Variants in OGFOD3 observed in about 807,000 individuals in gnomAD.
OGFOD3 encodes 2-oxoglutarate and iron dependent oxygenase domain containing 3.
In OGFOD3, 35 loss-of-function variants were observed where a neutral mutation model predicts 39.8. The ratio of observed to expected loss-of-function variants is 0.88; its 90% confidence interval spans 0.67 to 1.17. The LOEUF (loss-of-function observed/expected upper bound fraction) is 1.17, where lower values mean the gene tolerates loss of function less well. Among genes scored for constraint, OGFOD3 ranks in the 50% most tolerant of loss-of-function variants. OGFOD3 has a pLI of 0.00. For synonymous variants in OGFOD3, 200 were observed against 192.0 expected (o/e 1.04, Z -0.34); for missense variants, 438 against 454.5 (o/e 0.96, Z 0.33).
chr17:82,397,339 T>C (rs1218715332), intron 8 of OGFOD3, among the ~76,000 whole-genome samples: 1 of 133,118 alleles, frequency 7.5e-6, no homozygotes, highest in Admixed American at 7.6e-5. Flanking sequence ...GTGAGGGCAG[T>C]GTCCTGGGGA....
Position 82,415,478 on chromosome 17 carries a change from G to A in OGFOD3, c.224C>T (p.Ala75Val). 1 of 1,613,904 alleles carries A rather than the reference G, an allele frequency of 6.2e-7. No homozygotes were observed. The highest frequency in any genetic ancestry group is 8.5e-7 in the Non-Finnish European group (1 of 1,179,984). The change falls in exon 2 of 9, where the codon GCC becomes GTC. Residue 75 changes from alanine to valine, a missense_variant. Coordinates refer to ENST00000313056, the MANE Select transcript of OGFOD3 (RefSeq NM_024648.3). The surrounding 1 kb of genome is among the most constrained non-coding windows in gnomAD (Gnocchi z 5.3). Reference sequence around the variant, plus strand: ...CCCTGCCACGACCTCGCCACGGCGGGCCAGGACCTCTGCGACCCCGTCGTC... The same window carrying A: ...CCCTGCCACGACCTCGCCACGGCGGACCAGGACCTCTGCGACCCCGTCGTC... The part of the protein sequence containing the change: ...GADDGVAEVL[A>V]RRGEVVAGRF...
In OGFOD3 at chr17:82,411,518, C is replaced by G; in HGVS notation, c.317G>C (p.Arg106Pro). Residue 106 changes from arginine (R) to proline (P), a missense_variant, in exon 3 of 9, where the codon CGA becomes CCA. Coordinates refer to ENST00000313056, the MANE Select transcript of OGFOD3 (RefSeq NM_024648.3). ...ATCGGTGACACCTCTGCCGCACTTTCGGGGAGTGCAGCCTGTGAAGGGACA... is the reference window on the plus strand; with the variant it reads ...ATCGGTGACACCTCTGCCGCACTTTGGGGGAGTGCAGCCTGTGAAGGGACA... ...SHRRFEGCTP[R>P]KCGRGVTDVV... 2 of 1,614,082 alleles carry G rather than the reference C, an allele frequency of 1.2e-6. No homozygotes were observed. The highest frequency in any genetic ancestry group is 1.7e-6 in the Non-Finnish European group (2 of 1,180,002).
At position 82,404,417 on chromosome 17, in the gene OGFOD3, G is replaced by A. The variant is rs910517150; in HGVS notation, c.546-327C>T. Among the ~76,000 whole-genome samples the A allele has an allele frequency of 7.2e-5, 11 of 152,226 alleles. No individual in the cohort carries two copies. The highest frequency in any genetic ancestry group is 2.2e-4 in the African/African-American group (9 of 41,468). On this transcript the variant is annotated intron_variant, in intron 6 of 8. Transcript: ENST00000313056. This position sits in a 1 kb window ranked among gnomAD's most constrained non-coding sequence, Gnocchi z 4.5. The stretch of plus-strand genomic sequence containing the variant: ...CCTCCAGGCTTCACTTGCAGGGCCT[G>A]GAGCCCAGCCTCCTATTCAGCAACG...
Position 82,392,446 on chromosome 17 carries a change from G to T in OGFOD3, c.912C>A (p.Ala304=). 1 of 1,612,958 alleles carries T rather than the reference G, an allele frequency of 6.2e-7. No homozygotes were observed. The highest frequency in any genetic ancestry group is 2.2e-5 in the East Asian group (1 of 44,866). ...HWGTRYAITI[A]FSCNPDHGIE... ...TGCCATGGTCGGGGTTGCAGCTGAA[G>T]GCGATGGTGATGGCGTAACGGGTGC... Residue 304 remains alanine, a synonymous_variant, in exon 9 of 9, where the codon GCC becomes GCA. Transcript: ENST00000313056. The surrounding 1 kb of genome is among the most constrained non-coding windows in gnomAD (Gnocchi z 4.2).
chr17:82,403,688 G>A (rs747717956), intron 7 of OGFOD3, among the ~76,000 whole-genome samples: 133 of 152,292 alleles, frequency 8.7e-4, no homozygotes, highest in Non-Finnish European at 1.7e-3. Context: ...AGACAGCCCT[G>A]TGGTAGGTAG....
rs187032491 is a variant in OGFOD3, at chr17:82,406,368, C to T, written c.488+50G>A. On this transcript the variant is annotated intron_variant, in intron 5 of 8. Transcript: ENST00000313056. The surrounding 1 kb of genome is among the most constrained non-coding windows in gnomAD (Gnocchi z 5.2). ...TGTCCATGGCTAAGAGGCACGGAGC[C>T]GCTCACTCGGCTTTCAGAGCCAGCA... is the stretch of plus-strand genomic sequence containing the variant. 9,671 of 1,546,732 alleles carry T rather than the reference C, an allele frequency of 6.3e-3. 46 individuals carry two copies. Among genetic ancestry groups the T allele is most frequent in the Middle Eastern group, 7.4e-3 (44 of 5,928 alleles).
intron 1 of OGFOD3, 60 bp downstream of exon 1, chr17:82,418,352 C>T (rs1382296323): frequency 3.6e-6 from 4 of 1,102,324 alleles, no homozygotes; most frequent in African/African-American, 3.3e-5. Context: ...GCCCCAGTCC[C>T]GCCCACTCCA....
At chr17:82,402,440 A>AG (rs2052781827) in intron 7 of OGFOD3, among the ~76,000 whole-genome samples, 1 of 151,142 alleles carries the variant, frequency 6.6e-6, no homozygotes, top group African/African-American at 2.4e-5. Flanking sequence ...CTCAAAAAAA[A>AG]AAAGAAAGAA....
At position 82,392,307 on chromosome 17, in the gene OGFOD3, A is replaced by G; in HGVS notation, c.*91T>C. 1 of 1,403,632 alleles carries G rather than the reference A, an allele frequency of 7.1e-7. No individual in the cohort carries two copies. Among genetic ancestry groups the G allele is most frequent in the Non-Finnish European group, 9.7e-7 (1 of 1,027,934 alleles). The allele number at this position is 1,403,632 out of a possible 1,614,324, so 86.9% of individuals were successfully genotyped here. On this transcript the variant is annotated 3_prime_UTR_variant, in exon 9 of 9. Coordinates refer to ENST00000313056, the MANE Select transcript of OGFOD3 (RefSeq NM_024648.3). The surrounding 1 kb of genome is among the most constrained non-coding windows in gnomAD (Gnocchi z 4.2). ...AGAGAATTCCTAAGGCACTCTGTGC[A>G]ACAGGAGCGGGTGGACGTGGGGGTG...
At chr17:82,408,508 G>A (rs1239228539) in intron 4 of OGFOD3, among the ~76,000 whole-genome samples, 3 of 152,272 alleles carry the variant, frequency 2.0e-5, no homozygotes, top group Non-Finnish European at 1.5e-5. Flanking sequence ...CTGCGGCTGT[G>A]GTAACACAAA....
intron 1 of OGFOD3, among the ~76,000 whole-genome samples, chr17:82,416,949 A>G (rs2053061091): frequency 6.6e-6 from 1 of 152,214 alleles, no homozygotes; most frequent in Non-Finnish European, 1.5e-5. Flanking sequence ...TGCTGCAATT[A>G]CAGGCAAGCA....
chr17:82,418,427 C>G lies in OGFOD3; in HGVS notation c.59G>C (p.Arg20Pro), dbSNP rs1213987879. Residue 20 changes from arginine (R) to proline (P), a missense_variant, in exon 1 of 9, where the codon CGC becomes CCC. Coordinates refer to ENST00000313056, the MANE Select transcript of OGFOD3 (RefSeq NM_024648.3). Reference protein sequence around the residue: ...KAPEGNGAAERRNRSSTKKDR... With the variant: ...KAPEGNGAAEPRNRSSTKKDR... ...TCACCGCTACCTGCTCCGGTTCCGG[C>G]GCTCGGCCGCTCCGTTGCCCTCGGG... 5 of 1,478,004 alleles carry G rather than the reference C, an allele frequency of 3.4e-6. No homozygotes were observed. The highest frequency in any genetic ancestry group is 4.5e-6 in the Non-Finnish European group (5 of 1,120,242). 91.6% of individuals were successfully genotyped at this position (1,478,004 alleles called of 1,614,324 possible).
intron 8 of OGFOD3, chr17:82,394,513 C>A (rs1425036692): frequency 7.4e-6 from 12 of 1,612,778 alleles, no homozygotes; most frequent in Non-Finnish European, 1.0e-5. Flanking sequence ...TTCTTGGAAC[C>A]CACAAGACAT....
At chr17:82,412,137 T>G (rs1175997193) in intron 2 of OGFOD3, among the ~76,000 whole-genome samples, 1 of 151,224 alleles carries the variant, frequency 6.6e-6, no homozygotes, top group Non-Finnish European at 1.5e-5. Flanking sequence ...ACCACCAGAG[T>G]GGAGCTTGTG....
chr17:82,392,971 A>C lies in OGFOD3; in HGVS notation c.824-437T>G. ...AGCCCTGGGGGTGTTCTAACAAAGA[A>C]TCAGGAAAGACAAGATAAAACATCC... On this transcript the variant is annotated intron_variant, in intron 8 of 8. Coordinates refer to ENST00000313056, the MANE Select transcript of OGFOD3 (RefSeq NM_024648.3). This position sits in a 1 kb window ranked among gnomAD's most constrained non-coding sequence, Gnocchi z 4.2. The C allele has an allele frequency of 6.3e-6, 1 of 159,912 alleles. No homozygotes were observed. The highest frequency in any genetic ancestry group is 1.4e-5 in the Non-Finnish European group (1 of 73,142). 9.9% of individuals were successfully genotyped at this position (159,912 alleles called of 1,614,324 possible). A position where few individuals can be genotyped will look rare whatever the true frequency, so the allele number is the denominator to read the frequency against.
chr17:82,414,268 T>G (rs1312165834), intron 2 of OGFOD3, among the ~76,000 whole-genome samples: 1 of 152,156 alleles, frequency 6.6e-6, no homozygotes, highest in African/African-American at 2.4e-5. Flanking sequence ...CTCTGCCTCC[T>G]GAGCTGGGGT....
At chr17:82,414,756 C>T (rs2053005606) in intron 2 of OGFOD3, among the ~76,000 whole-genome samples, 1 of 152,200 alleles carries the variant, frequency 6.6e-6, no homozygotes, top group African/African-American at 2.4e-5. Flanking sequence ...TGAATTCTGC[C>T]TCAAAAACCC....
chr17:82,398,088 A>T, intron 8 of OGFOD3, 108 bp downstream of exon 8: 1 of 1,389,316 alleles, frequency 7.2e-7, no homozygotes, highest in Non-Finnish European at 1.0e-6. Flanking sequence ...CCCGGCACAC[A>T]GCAGATGCTC....
rs937610537 is a variant in OGFOD3, at chr17:82,415,903, A to AG, written c.75-277_75-276insC. 1.3e-5 allele frequency among the ~76,000 whole-genome samples: 2 copies of AG among 151,572 alleles called. No homozygotes were observed. Among genetic ancestry groups the AG allele is most frequent in the African/African-American group, 4.8e-5 (2 of 41,284 alleles). ...GACTCATGGGTTTTAAGCAAAAGAA[A>AG]AAAAAAAAAAAAGCCAGACATGCTC... On this transcript the variant is annotated intron_variant, in intron 1 of 8. Coordinates refer to ENST00000313056, the MANE Select transcript of OGFOD3 (RefSeq NM_024648.3). This position sits in a 1 kb window ranked among gnomAD's most constrained non-coding sequence, Gnocchi z 5.3.
Sources: gnomAD v4.1 joint callset for allele counts (sites outside exome capture counted in the v4.1 genomes callset) on GRCh38, gnomAD v4.1.1 for gene constraint, Gnocchi (gnomAD v3.1) non-coding constraint, MANE v1.5 for transcripts, NCBI Gene and HGNC (gene_info 2026-07-23, HGNC 2026-07-21) for gene names.